NEB: variants seen among roughly 807,000 people sequenced by gnomAD.
The protein encoded by NEB is nemaline myopathy type 2.
Under a neutral mutation model 952.2 loss-of-function variants are expected in NEB, and 512 were observed. That is an observed-to-expected ratio of 0.54 (90% CI 0.50 to 0.58). The LOEUF is 0.58. NEB is among the 20% of genes least tolerant of loss of function. The pLI is 0.00. For synonymous variants in NEB, 2,900 were observed against 3,149.8 expected (o/e 0.92, Z 2.66); for missense variants, 8,428 against 9,231.1 (o/e 0.91, Z 3.56).
intron 66 of NEB, 133 bp from the exon 67 acceptor site, chr2:151,630,952 T>C: frequency 4.4e-6 from 5 of 1,140,488 alleles, no homozygotes; most frequent in Non-Finnish European, 6.1e-6. Context: ...CTACTGGAAG[T>C]GTGAGTCTTA....
chr2:151,494,429 A>T (rs556377694), intron 173 of NEB, among the ~76,000 whole-genome samples, 176 bp from the exon 174 acceptor site: 1 of 152,180 alleles, frequency 6.6e-6, no homozygotes, highest in Non-Finnish European at 1.5e-5. Flanking sequence ...ACAGCAAGAC[A>T]CAACCAGGAT....
chr2:151,644,143 A>G lies in NEB; in HGVS notation c.7645-14T>C, dbSNP rs886054945. 3.7e-6 allele frequency: 6 copies of G among 1,609,866 alleles called. No homozygotes were observed. Among genetic ancestry groups the G allele is most frequent in the African/African-American group, 1.3e-5 (1 of 74,908 alleles). On this transcript the variant is annotated splice_polypyrimidine_tract_variant and intron_variant, in intron 56 of 181. Transcript: ENST00000397345. ...CTTGTACTTGTACTAGAGAAAAAAA[A>G]TGTGTCTCATTCCTTTCAAAATTTA... is the stretch of plus-strand genomic sequence containing the variant.
intron 40 of NEB, among the ~76,000 whole-genome samples, chr2:151,667,413 T>C (rs2099232880): frequency 6.6e-6 from 1 of 152,140 alleles, no homozygotes; most frequent in Non-Finnish European, 1.5e-5. Context: ...ATGTGAAAAA[T>C]ATTTTAAGTG....
Position 151,671,224 on chromosome 2 carries a change from C to A in NEB, c.4305G>T (p.Val1435=), listed in dbSNP as rs111241479. The stretch of plus-strand genomic sequence containing the variant: ...AGAAGCTGTTATACTCGTCTTTATA[C>A]ACATTCTGTAAAAGGGTAAGCTAAT... ...RNVNQIQSDN[V]YKDEYNSFLK... is the part of the protein sequence containing the mutation. Residue 1435 remains valine (V), a synonymous_variant, in exon 38 of 182, where the codon GTG becomes GTT. Transcript: ENST00000397345. 1 of 1,611,948 alleles carries A rather than the reference C, an allele frequency of 6.2e-7. No individual in the cohort carries two copies. The highest frequency in any genetic ancestry group is 8.5e-7 in the Non-Finnish European group (1 of 1,178,212).
At chr2:151,685,531 T>C (rs966214677) in intron 27 of NEB, among the ~76,000 whole-genome samples, 5 of 152,136 alleles carry the variant, frequency 3.3e-5, no homozygotes, top group Non-Finnish European at 5.9e-5. Context: ...TCAAGTTCAA[T>C]TGGGGCAACA....
rs776018438 is a variant in NEB, at chr2:151,537,141, G to C, written c.21198C>G (p.Leu7066=). ...DFTLAEKNKT[L]YSKYKYKEVF... ...CCTTGAGTATATATACCTTGCTGTAGAGAGTCTTGTTCTTTTCAGCCAGAG... is the reference window on the plus strand; with the variant it reads ...CCTTGAGTATATATACCTTGCTGTACAGAGTCTTGTTCTTTTCAGCCAGAG... Residue 7066 remains leucine, a synonymous_variant, in exon 141 of 182, where the codon CTC becomes CTG. Coordinates refer to ENST00000397345, the MANE Select transcript of NEB (RefSeq NM_001164508.2). 1 of 1,607,288 alleles carries C rather than the reference G, an allele frequency of 6.2e-7. No homozygotes were observed. The highest frequency in any genetic ancestry group is 1.7e-5 in the Admixed American group (1 of 59,978).
At chr2:151,669,274 C>T in intron 38 of NEB, 143 bp from the exon 39 acceptor site, 1 of 616,538 alleles carries the variant, frequency 1.6e-6, no homozygotes, top group Non-Finnish European at 2.9e-6. Flanking sequence ...AAGGGAGGGG[C>T]CCTGGTAGAT....
chr2:151,658,830 G>A (rs1457594361), intron 47 of NEB, among the ~76,000 whole-genome samples: 4 of 151,948 alleles, frequency 2.6e-5, no homozygotes, highest in Admixed American at 2.6e-4. Context: ...AATAAGGAGT[G>A]CCCCCCTAGA....
chr2:151,610,836 T>A lies in NEB; in HGVS notation c.11836A>T (p.Lys3946Ter). The change falls in exon 79 of 182, where the codon AAA (lysine) becomes TAA (stop). Residue 3946 changes from lysine (K) to a stop codon, truncating the protein, a stop_gained. Coordinates refer to ENST00000397345, the MANE Select transcript of NEB (RefSeq NM_001164508.2). LOFTEE classifies it high-confidence loss of function. ...HLYTEAWDADKTSIHVMPDTP... is the reference protein window; with the variant it reads ...HLYTEAWDAD Reference sequence around the variant, plus strand: ...TCTGGCATCACGTGGATGGAGGTTTTGTCAGCATCCCAAGCTTCTGTGTAT... The same window carrying A: ...TCTGGCATCACGTGGATGGAGGTTTAGTCAGCATCCCAAGCTTCTGTGTAT... 6.2e-7 allele frequency: 1 copy of A among 1,601,580 alleles called. No individual in the cohort carries two copies. Among genetic ancestry groups the A allele is most frequent in the East Asian group, 2.2e-5 (1 of 44,486 alleles).
At chr2:151,549,219 G>A (rs2095078491) in intron 130 of NEB, among the ~76,000 whole-genome samples, 1 of 152,212 alleles carries the variant, frequency 6.6e-6, no homozygotes, top group African/African-American at 2.4e-5. Flanking sequence ...GGAACACATG[G>A]TGATGTTATA....
At chr2:151,578,520 C>T (rs1039942475) in intron 105 of NEB, among the ~76,000 whole-genome samples, 1 of 151,448 alleles carries the variant, frequency 6.6e-6, no homozygotes. Context: ...AATCAGCCGA[C>T]TGTGGTGGCA....
At chr2:151,691,430 T>C (rs1474240168) in intron 23 of NEB, among the ~76,000 whole-genome samples, 2 of 152,204 alleles carry the variant, frequency 1.3e-5, no homozygotes, top group African/African-American at 4.8e-5. Flanking sequence ...TATTGCTTGA[T>C]ATCTTTCTTA....
In NEB at chr2:151,724,969, A is replaced by C. The variant is rs1375474955; in HGVS notation, c.403-8T>G. ...ATCCATTCGATACTTAACCTGCCCA[A>C]ATAATGCACAGTTAGAGTTCATGAC... On this transcript the variant is annotated splice_region_variant and splice_polypyrimidine_tract_variant and intron_variant, in intron 6 of 181. Transcript: ENST00000397345. 6.2e-7 allele frequency: 1 copy of C among 1,605,388 alleles called. No individual in the cohort carries two copies. Among genetic ancestry groups the C allele is most frequent in the Admixed American group, 1.7e-5 (1 of 59,924 alleles).
chr2:151,520,883 T>G (rs2081500415), intron 153 of NEB, among the ~76,000 whole-genome samples: 1 of 151,964 alleles, frequency 6.6e-6, no homozygotes. Context: ...ATAAGAGGAT[T>G]TATTTATAGG....
chr2:151,513,955 A>T (rs543524715), intron 159 of NEB, among the ~76,000 whole-genome samples: 1 of 152,350 alleles, frequency 6.6e-6, no homozygotes, highest in African/African-American at 2.4e-5. Context: ...TGCTTAGAAG[A>T]TTAGAGTATA....
chr2:151,531,422 T>C (rs1180670413), intron 144 of NEB, among the ~76,000 whole-genome samples: 1 of 148,974 alleles, frequency 6.7e-6, no homozygotes, highest in African/African-American at 2.5e-5. Context: ...GCTCAAGCAA[T>C]TGTCACGCCT....
chr2:151,552,566 A>T, intron 128 of NEB, 106 bp downstream of exon 128: 1 of 709,478 alleles, frequency 1.4e-6, no homozygotes, highest in South Asian at 1.9e-5. Flanking sequence ...CTGGTTTCCC[A>T]GTTAGAAAAG....
chr2:151,565,545 G>C lies in NEB; in HGVS notation c.18322C>G (p.Pro6108Ala). The C allele has an allele frequency of 6.2e-7, 1 of 1,603,338 alleles. No homozygotes were observed. The highest frequency in any genetic ancestry group is 8.5e-7 in the Non-Finnish European group (1 of 1,171,146). Residue 6108 changes from proline to alanine, a missense_variant, in exon 116 of 182, where the codon CCA becomes GCA. Pro to Ala is a conservative substitution (Grantham distance 27). Around this residue, in one of 11 missense-constraint regions of NEB, gnomAD observed 3,374 missense variants for 3,651.5 expected, o/e 0.92. Transcript: ENST00000397345. ...TTAATCTTGGCTAAAACAATCTCTG[G>C]AGGATCCACCACACTTCTAAAGTTA... Reference protein sequence around the residue: ...YPNFRSVVDPPEIVLAKINSV... With the variant: ...YPNFRSVVDPAEIVLAKINSV...
chr2:151,503,451 A>ATAAT lies in NEB; in HGVS notation c.23743-14_23743-11dup, dbSNP rs1273392775. ...TTTCTTTGTACATAACCTGTAGAAA[A>ATAAT]TAATTAGAATACCCAGAAAGGTAAA... On this transcript the variant is annotated splice_polypyrimidine_tract_variant and intron_variant, in intron 165 of 181. Coordinates refer to ENST00000397345, the MANE Select transcript of NEB (RefSeq NM_001164508.2). The ATAAT allele has an allele frequency of 6.4e-7, 1 of 1,551,662 alleles. No homozygotes were observed. The highest frequency in any genetic ancestry group is 1.7e-4 in the Middle Eastern group (1 of 5,936).
Sources: gnomAD v4.1 joint callset for allele counts (sites outside exome capture counted in the v4.1 genomes callset) on GRCh38, gnomAD v4.1.1 for gene constraint, gnomAD v4.1.1 regional missense constraint, MANE v1.5 for transcripts, NCBI Gene and HGNC (gene_info 2026-07-23, HGNC 2026-07-21) for gene names.